BICRAL: variants seen among roughly 807,000 people sequenced by gnomAD.
BICRAL encodes BICRA like chromatin remodeling complex associated protein, also known as BRD4-interacting chromatin-remodeling complex-associated protein-like.
Under a neutral mutation model 91.8 loss-of-function variants are expected in BICRAL, and 8 were observed. The ratio of observed to expected loss-of-function variants is 0.09; its 90% CI spans 0.05 to 0.16. The LOEUF (loss-of-function observed/expected upper bound fraction) is 0.16. Ranked by LOEUF, BICRAL falls within the 10% of genes least tolerant of loss-of-function variation. The probability of loss-of-function intolerance (pLI) is 1.00; values close to 1 mark genes in which losing one functional copy is unlikely to be tolerated. For synonymous variants in BICRAL, 445 were observed against 491.1 expected, an observed-to-expected ratio of 0.91 and a Z score of 1.24; for missense variants, 1,038 against 1,310.9, an observed-to-expected ratio of 0.79 and a Z score of 3.21.
At chr6:42,758,362 T>TC (rs1164070715) in intron 1 of BICRAL, among the ~76,000 whole-genome samples, 1 of 152,190 alleles carries the variant, frequency 6.6e-6, no homozygotes, top group Non-Finnish European at 1.5e-5. Context: ...CTCTTGCATC[T>TC]GGCCCGCGGT....
chr6:42,787,517 A>G (rs886319586), intron 1 of BICRAL, among the ~76,000 whole-genome samples: 2 of 152,208 alleles, frequency 1.3e-5, no homozygotes, highest in East Asian at 3.9e-4. Context: ...GGTCTCCCAC[A>G]CAGCCAGCTC....
chr6:42,841,740 A>G (rs188136021), intron 6 of BICRAL, among the ~76,000 whole-genome samples: 75 of 152,314 alleles, frequency 4.9e-4, no homozygotes, highest in Non-Finnish European at 8.5e-4. Flanking sequence ...TCATATTACT[A>G]ACGAGGACAG....
In BICRAL at chr6:42,864,644, T is replaced by G. The variant is rs754286750; in HGVS notation, c.2453-15T>G. 9.3e-6 allele frequency: 15 copies of G among 1,606,376 alleles called. No homozygotes were observed. The highest frequency in any genetic ancestry group is 2.2e-5 in the South Asian group (2 of 90,030). On this transcript the variant is annotated splice_polypyrimidine_tract_variant and intron_variant, in intron 12 of 12. Coordinates refer to ENST00000314073, the MANE Select transcript of BICRAL (RefSeq NM_001393499.1). ...CCCAATCACTCACTAATGTTCTTTT[T>G]GTTCCCATTTCCAGAGGGTTTTCAG...
At position 42,857,137 on chromosome 6, in the gene BICRAL, G is replaced by C. The variant is rs1304352461; in HGVS notation, c.2155G>C (p.Asp719His). The C allele has an allele frequency of 1.9e-6, 3 of 1,613,604 alleles. No homozygotes were observed. Among genetic ancestry groups the C allele is most frequent in the Non-Finnish European group, 2.5e-6 (3 of 1,179,756 alleles). Residue 719 changes from aspartate (D) to histidine (H), a missense_variant, in exon 10 of 13, where the codon GAC becomes CAC. Physicochemically the swap from Asp to His is moderately conservative, Grantham distance 81. Around this residue, in one of 5 missense-constraint regions of BICRAL, gnomAD observed 532 missense variants for 724.9 expected, o/e 0.73. Transcript: ENST00000314073. ...QRDQAHTVTPDKSHFRSLSDA... is the reference protein window; with the variant it reads ...QRDQAHTVTPHKSHFRSLSDA... ...GGACCAAGCCCACACTGTGACACCA[G>C]ACAAAAGTCACTTCCGATCACTAAG...
At chr6:42,828,030 A>T (rs1481321748) in intron 5 of BICRAL, among the ~76,000 whole-genome samples, 1 of 152,252 alleles carries the variant, frequency 6.6e-6, no homozygotes, top group Non-Finnish European at 1.5e-5. Context: ...AATGTCAAGC[A>T]TCATTATGAT....
rs1220969018 is a variant in BICRAL, at chr6:42,865,040, C to G, written c.2834C>G (p.Ser945Cys). 1.2e-6 allele frequency: 2 copies of G among 1,614,104 alleles called. No homozygotes were observed. ...PGPEGHRKTSSRSDHGTESKL... is the reference protein window; with the variant it reads ...PGPEGHRKTSCRSDHGTESKL... ...CCTGAGGGGCACCGGAAAACCTCAT[C>G]CAGATCGGATCATGGTACTGAGAGC... Residue 945 changes from serine (S) to cysteine (C), a missense_variant, in exon 13 of 13, where the codon TCC becomes TGC. Transcript: ENST00000314073.
intron 6 of BICRAL, among the ~76,000 whole-genome samples, chr6:42,838,502 T>C (rs544826730): frequency 9.2e-5 from 14 of 152,324 alleles, no homozygotes; most frequent in Non-Finnish European, 2.1e-4. Flanking sequence ...TTGTTCCCTT[T>C]GTAAAGAAGA....
chr6:42,755,815 G>A (rs565368805), intron 1 of BICRAL, among the ~76,000 whole-genome samples: 1 of 152,006 alleles, frequency 6.6e-6, no homozygotes, highest in East Asian at 1.9e-4. Flanking sequence ...GATTACAGGC[G>A]CACGCCGCCA....
At chr6:42,809,793 T>G (rs549655104) in intron 1 of BICRAL, among the ~76,000 whole-genome samples, 3 of 151,868 alleles carry the variant, frequency 2.0e-5, no homozygotes, top group African/African-American at 7.2e-5. Flanking sequence ...TATTTATTTT[T>G]CTTTATTTTT....
At chr6:42,848,566 C>T (rs1765088877) in intron 6 of BICRAL, among the ~76,000 whole-genome samples, 1 of 152,084 alleles carries the variant, frequency 6.6e-6, no homozygotes, top group Non-Finnish European at 1.5e-5. Flanking sequence ...TAATTATGGC[C>T]GGGAGCAGTG....
intron 1 of BICRAL, among the ~76,000 whole-genome samples, chr6:42,771,275 C>T (rs1297330995): frequency 2.0e-5 from 3 of 152,218 alleles, no homozygotes; most frequent in East Asian, 1.9e-4. Context: ...CCCTGCGGGC[C>T]GCCGCTGCGC....
At chr6:42,813,451 G>A (rs1763893465) in intron 2 of BICRAL, among the ~76,000 whole-genome samples, 1 of 152,116 alleles carries the variant, frequency 6.6e-6, no homozygotes, top group Non-Finnish European at 1.5e-5. Context: ...AGAACTGAAA[G>A]GAAAAAAACT....
chr6:42,780,302 C>T (rs1173087106), upstream of BICRAL, among the ~76,000 whole-genome samples: 2 of 152,068 alleles, frequency 1.3e-5, no homozygotes, highest in Non-Finnish European at 2.9e-5. Flanking sequence ...CTTATATATG[C>T]AAGAAAGGTG....
chr6:42,801,682 T>C (rs1487417588), intron 1 of BICRAL, among the ~76,000 whole-genome samples: 1 of 151,598 alleles, frequency 6.6e-6, no homozygotes, highest in East Asian at 1.9e-4. Context: ...AGGAGTTCGA[T>C]ACCAGCCTGG....
intron 6 of BICRAL, among the ~76,000 whole-genome samples, chr6:42,834,715 G>C (rs1764592359): frequency 6.6e-6 from 1 of 152,120 alleles, no homozygotes; most frequent in African/African-American, 2.4e-5. Context: ...CATTTGGCAA[G>C]TGGGTGCCCC....
chr6:42,858,741 C>T (rs751215821), intron 10 of BICRAL, among the ~76,000 whole-genome samples: 17 of 151,808 alleles, frequency 1.1e-4, no homozygotes, highest in Non-Finnish European at 2.4e-4. Context: ...CACTTGAACC[C>T]GGGAGGCAGA....
intron 2 of BICRAL, among the ~76,000 whole-genome samples, chr6:42,814,420 CAT>C (rs1212746460): frequency 7.5e-6 from 1 of 133,620 alleles, no homozygotes; most frequent in Non-Finnish European, 1.6e-5. Context: ...TGTATACATA[CAT>C]ATATATACAC....
chr6:42,769,238 G>T (rs1015416555), intron 1 of BICRAL, among the ~76,000 whole-genome samples: 25 of 152,334 alleles, frequency 1.6e-4, no homozygotes, highest in Admixed American at 4.6e-4. Flanking sequence ...CACCCGTGAG[G>T]CGGTCTGGCT....
intron 1 of BICRAL, among the ~76,000 whole-genome samples, chr6:42,793,730 GGC>G (rs1273451340): frequency 6.6e-6 from 1 of 150,648 alleles, no homozygotes; most frequent in African/African-American, 2.4e-5. Flanking sequence ...GGATGTTTTT[GGC>G]GCTACTTCTA....
Sources: allele counts gnomAD v4.1 joint callset (sites outside exome capture counted in the v4.1 genomes callset), GRCh38; gene constraint gnomAD v4.1.1; regional missense constraint gnomAD v4.1.1; transcripts MANE v1.5; gene names NCBI Gene and HGNC (gene_info 2026-07-23, HGNC 2026-07-21).